The following SLC41A2 variants were observed in gnomAD, a reference collection of about 807,000 sequenced individuals.
SLC41A2 encodes solute carrier family 41 member 2.
SLC41A2 carries 32 observed loss-of-function variants against 58.3 expected under a neutral mutation model. That is an observed-to-expected ratio of 0.55 (90% CI 0.41 to 0.74). The LOEUF is 0.74. SLC41A2 is among the 30% of genes least tolerant of loss of function. The pLI is 0.00. For synonymous variants in SLC41A2, 190 were observed against 235.0 expected (o/e 0.81, Z 1.75); for missense variants, 514 against 680.6 (o/e 0.76, Z 2.72).
chr12:104,937,967 T>C (rs1054280203), intron 1 of SLC41A2, among the ~76,000 whole-genome samples: 2 of 152,210 alleles, frequency 1.3e-5, no homozygotes, highest in Non-Finnish European at 2.9e-5. Context: ...GGAAAACAAT[T>C]TGGCATTATC....
chr12:104,844,686 A>G (rs538272527), intron 9 of SLC41A2, 66 bp from the exon 10 acceptor site: 7 of 854,008 alleles, frequency 8.2e-6, no homozygotes, highest in South Asian at 3.7e-5. Context: ...GGTCATAGTT[A>G]TTAAAATTTG....
rs773648083 is a variant in SLC41A2, at chr12:104,897,630, CATAAA to C, written c.664-2290_664-2286del. ...AATAACAAATTAAAACAATGTATGA[CATAAA>C]ATAAAAAATAAAATGTAGACTATAT... On this transcript the variant is annotated intron_variant, in intron 3 of 10. Coordinates refer to ENST00000258538, the MANE Select transcript of SLC41A2 (RefSeq NM_001352171.3). Among the ~76,000 whole-genome samples, 23 of 151,902 alleles carry C rather than the reference CATAAA, an allele frequency of 1.5e-4. 2 individuals are homozygous for C. The highest frequency in any genetic ancestry group is 1.3e-3 in the Admixed American group (20 of 15,260).
At chr12:104,888,911 T>G in intron 5 of SLC41A2, 122 bp downstream of exon 5, 1 of 1,032,834 alleles carries the variant, frequency 9.7e-7, no homozygotes, top group African/African-American at 1.7e-5. Flanking sequence ...TTTTTTAAGT[T>G]TGTAGATATG....
chr12:104,953,050 C>A (rs2048015918), intron 1 of SLC41A2, among the ~76,000 whole-genome samples: 1 of 152,204 alleles, frequency 6.6e-6, no homozygotes, highest in African/African-American at 2.4e-5. Context: ...ACTCTTAGAG[C>A]AAGGACCCAT....
chr12:104,824,907 CG>C (rs372627718), intron 10 of SLC41A2, among the ~76,000 whole-genome samples: 42 of 152,266 alleles, frequency 2.8e-4, no homozygotes, highest in Middle Eastern at 6.8e-3. Flanking sequence ...GTGAAACTGT[CG>C]GGTCTGCCTC....
At chr12:104,914,628 A>T (rs2046232023) in intron 2 of SLC41A2, among the ~76,000 whole-genome samples, 1 of 152,230 alleles carries the variant, frequency 6.6e-6, no homozygotes, top group South Asian at 2.1e-4. Context: ...GAGTGTCTTG[A>T]CACACAACTG....
intron 6 of SLC41A2, among the ~76,000 whole-genome samples, chr12:104,872,895 T>C (rs1214091891): frequency 6.6e-6 from 1 of 152,198 alleles, no homozygotes; most frequent in South Asian, 2.1e-4. Context: ...TGATACATAC[T>C]TAAGGTGTAC....
chr12:104,908,778 T>C lies in SLC41A2; in HGVS notation c.663+877A>G, dbSNP rs769324161. Among the ~76,000 whole-genome samples the C allele has an allele frequency of 5.9e-5, 9 of 152,336 alleles. 1 individual carries two copies. The highest frequency in any genetic ancestry group is 1.3e-4 in the Admixed American group (2 of 15,310). ...GCTACTGGCAGTATTTTTTAAAATG[T>C]TTATGCTTTTCGAATGACAATTTTG... On this transcript the variant is annotated intron_variant, in intron 3 of 10. Coordinates refer to ENST00000258538, the MANE Select transcript of SLC41A2 (RefSeq NM_001352171.3).
At chr12:104,835,072 T>C (rs985144513) in intron 10 of SLC41A2, among the ~76,000 whole-genome samples, 5 of 152,174 alleles carry the variant, frequency 3.3e-5, no homozygotes, top group African/African-American at 7.2e-5. Flanking sequence ...ATGATGTTGA[T>C]ATTAAAAAAT....
At chr12:104,855,798 AT>A (rs1412900398) in intron 8 of SLC41A2, among the ~76,000 whole-genome samples, 4 of 152,310 alleles carry the variant, frequency 2.6e-5, no homozygotes, top group African/African-American at 9.6e-5. Context: ...GAAGTATGCG[AT>A]TGGGGATATC....
intron 8 of SLC41A2, among the ~76,000 whole-genome samples, chr12:104,854,488 G>T (rs2042948426): frequency 6.6e-6 from 1 of 151,904 alleles, no homozygotes; most frequent in African/African-American, 2.4e-5. Context: ...GCGTGAACCT[G>T]GGAGGCGGAG....
chr12:104,875,498 A>C (rs1416457535), intron 6 of SLC41A2, among the ~76,000 whole-genome samples: 1 of 152,194 alleles, frequency 6.6e-6, no homozygotes, highest in African/African-American at 2.4e-5. Context: ...GTGACCTTAT[A>C]AAATGAGTCT....
chr12:104,834,391 A>C (rs1352401011), intron 10 of SLC41A2, among the ~76,000 whole-genome samples: 5 of 152,082 alleles, frequency 3.3e-5, no homozygotes, highest in African/African-American at 4.8e-5. Context: ...TTACAGCTAG[A>C]AAAAAAATTC....
chr12:104,818,214 A>AAAATAATAGAAAGCAGAATCAGAAC (rs1394255924), intron 10 of SLC41A2, among the ~76,000 whole-genome samples: 1 of 152,212 alleles, frequency 6.6e-6, no homozygotes, highest in African/African-American at 2.4e-5. Flanking sequence ...ACTAATAGCA[A>AAAATAATAGAAAGCAGAATCAGAAC]AAATAATAGA....
chr12:104,857,963 C>A (rs1473173971), intron 8 of SLC41A2, among the ~76,000 whole-genome samples: 1 of 152,020 alleles, frequency 6.6e-6, no homozygotes, highest in Non-Finnish European at 1.5e-5. Context: ...AACAAACCTG[C>A]ACGTTGTGCA....
intron 7 of SLC41A2, among the ~76,000 whole-genome samples, chr12:104,862,867 A>T (rs534188376): frequency 4.3e-4 from 65 of 152,304 alleles, no homozygotes; most frequent in African/African-American, 1.4e-3. Flanking sequence ...CTTATGCATT[A>T]CTTCACATAC....
chr12:104,844,528 G>A lies in SLC41A2; in HGVS notation c.1480C>T (p.His494Tyr). The A allele has an allele frequency of 1.9e-6, 3 of 1,570,974 alleles. No individual in the cohort carries two copies. Among genetic ancestry groups the A allele is most frequent in the Non-Finnish European group, 2.6e-6 (3 of 1,159,164 alleles). The change falls in exon 10 of 11, where the codon CAT (histidine) becomes TAT (tyrosine). Residue 494 changes from histidine to tyrosine, a missense_variant. Coordinates refer to ENST00000258538, the MANE Select transcript of SLC41A2 (RefSeq NM_001352171.3). ...ATGAAGATTATAGTTAAAGAAGTAT[G>A]ACCACTTTTCATCAAATGAATAGTG... Reference protein sequence around the residue: ...LYTIHLMKSGHTSLTIIFIVV... With the variant: ...LYTIHLMKSGYTSLTIIFIVV...
At chr12:104,888,013 A>G (rs569925200) in intron 5 of SLC41A2, among the ~76,000 whole-genome samples, 3 of 152,044 alleles carry the variant, frequency 2.0e-5, no homozygotes, top group Non-Finnish European at 4.4e-5. Context: ...AAAATTTTAA[A>G]TGACACTTTC....
At chr12:104,850,006 C>T (rs1191773122) in intron 8 of SLC41A2, among the ~76,000 whole-genome samples, 1 of 152,100 alleles carries the variant, frequency 6.6e-6, no homozygotes, top group Admixed American at 6.5e-5. Flanking sequence ...TTATGAAGGA[C>T]TCCATTTAAA....
Sources: gnomAD v4.1 joint callset for allele counts (sites outside exome capture counted in the v4.1 genomes callset) on GRCh38, gnomAD v4.1.1 for gene constraint, MANE v1.5 for transcripts, NCBI Gene and HGNC (gene_info 2026-07-23, HGNC 2026-07-21) for gene names.